The following PPHLN1 variants were observed in gnomAD, a reference collection of about 807,000 sequenced individuals.
The protein encoded by PPHLN1 is periphilin 1, also known as periphilin-1.
PPHLN1 carries 29 observed loss-of-function variants against 51.3 expected under a neutral mutation model. That is an observed-to-expected ratio of 0.57 (90% CI 0.42 to 0.77). PPHLN1 has a LOEUF of 0.77. Ranked by LOEUF, PPHLN1 falls within the 30% of genes least tolerant of loss-of-function variation. PPHLN1 has a pLI of 0.00. For missense variants in PPHLN1, 436 were observed against 438.4 expected (o/e 0.99, Z 0.05); for synonymous variants, 147 against 147.8 (o/e 0.99, Z 0.04).
chr12:42,430,511 G>GT (rs1047071174), intron 9 of PPHLN1, among the ~76,000 whole-genome samples: 5 of 151,626 alleles, frequency 3.3e-5, no homozygotes, highest in Non-Finnish European at 7.4e-5. Flanking sequence ...GTTTTGTTTT[G>GT]TTTTTTTGAG....
At chr12:42,432,731 A>G (rs975317591) in intron 9 of PPHLN1, among the ~76,000 whole-genome samples, 1 of 152,178 alleles carries the variant, frequency 6.6e-6, no homozygotes, top group Non-Finnish European at 1.5e-5. Flanking sequence ...ATGTGTTCCT[A>G]TTGCCACACC....
At chr12:42,435,584 C>T (rs1448380918) in intron 9 of PPHLN1, among the ~76,000 whole-genome samples, 2 of 152,152 alleles carry the variant, frequency 1.3e-5, no homozygotes, top group East Asian at 1.9e-4. Context: ...TGTGTTATCG[C>T]TTTTTTCCTG....
At chr12:42,426,414 C>G (rs1008711742) in intron 9 of PPHLN1, among the ~76,000 whole-genome samples, 1 of 152,126 alleles carries the variant, frequency 6.6e-6, no homozygotes, top group African/African-American at 2.4e-5. Flanking sequence ...GAGTTTGTAG[C>G]AGCAGTATGA....
chr12:42,355,363 T>C, intron 4 of PPHLN1, 141 bp downstream of exon 4: 1 of 680,948 alleles, frequency 1.5e-6, no homozygotes, highest in African/African-American at 1.8e-5. Flanking sequence ...ATTATATTCT[T>C]TTTGTGACTA....
chr12:42,349,376 G>A (rs572998678), intron 2 of PPHLN1, among the ~76,000 whole-genome samples: 2 of 145,560 alleles, frequency 1.4e-5, no homozygotes, highest in East Asian at 4.1e-4. Context: ...CTGAAGGTTG[G>A]GCTTTATATT....
chr12:42,327,164 T>C (rs2068924223), intron 1 of PPHLN1, among the ~76,000 whole-genome samples: 1 of 152,248 alleles, frequency 6.6e-6, no homozygotes, highest in African/African-American at 2.4e-5. Context: ...CTCATTTCCA[T>C]GCTGCTTTGT....
chr12:42,435,614 CATT>C (rs1372187123), intron 9 of PPHLN1, among the ~76,000 whole-genome samples: 2 of 152,190 alleles, frequency 1.3e-5, no homozygotes, highest in Non-Finnish European at 1.5e-5. Flanking sequence ...ACACATTAAA[CATT>C]ATGAATGGTT....
intron 9 of PPHLN1, among the ~76,000 whole-genome samples, chr12:42,411,961 C>A (rs928109836): frequency 6.9e-6 from 1 of 144,130 alleles, no homozygotes; most frequent in Non-Finnish European, 1.5e-5. Context: ...AATCCCAGCA[C>A]TTTGGGAGGC....
chr12:42,415,374 C>T (rs906046863), intron 9 of PPHLN1, among the ~76,000 whole-genome samples: 3 of 152,148 alleles, frequency 2.0e-5, no homozygotes, highest in East Asian at 1.9e-4. Context: ...GTTTCACCAT[C>T]TTGGCCAGGC....
At position 42,441,518 on chromosome 12, in the gene PPHLN1, G is replaced by T. The variant is rs756120332; in HGVS notation, c.*9G>T. The T allele has an allele frequency of 6.5e-6, 10 of 1,534,000 alleles. No homozygotes were observed. The highest frequency in any genetic ancestry group is 5.1e-5 in the South Asian group (4 of 79,074). On this transcript the variant is annotated 3_prime_UTR_variant, in exon 10 of 10. Coordinates refer to ENST00000358314, the MANE Select transcript of PPHLN1 (RefSeq NM_201439.2). ...TTGGAGAGCCTTTTTAGATTTTTCT[G>T]CTCAGGCTAAAAAAAAAAAAAAACA...
intron 9 of PPHLN1, among the ~76,000 whole-genome samples, chr12:42,418,120 T>C (rs2080609652): frequency 6.6e-6 from 1 of 150,754 alleles, no homozygotes; most frequent in Non-Finnish European, 1.5e-5. Flanking sequence ...TTTGTATTTT[T>C]AGTCGAGACA....
rs761304026 is a variant in PPHLN1 at position 42,441,478 on chromosome 12, C to G, written c.1073C>G (p.Thr358Ser). The change falls in exon 10 of 10, where the codon ACT becomes AGT. Residue 358 changes from threonine (T) to serine (S), a missense_variant. Thr to Ser is a moderately conservative substitution (Grantham distance 58). Transcript: ENST00000358314. The stretch of plus-strand genomic sequence containing the variant: ...AAGCATTTCATTGCAGAGTATGATA[C>G]TTCCACTCAAGATTTTGGAGAGCCT... The part of the protein sequence containing the change: ...ELKHFIAEYD[T>S]STQDFGEPF 1 of 1,605,016 alleles carries G rather than the reference C, an allele frequency of 6.2e-7. No homozygotes were observed. Among genetic ancestry groups the G allele is most frequent in the Non-Finnish European group, 8.5e-7 (1 of 1,176,866 alleles).
intron 6 of PPHLN1, among the ~76,000 whole-genome samples, chr12:42,385,377 A>G (rs1592615342): frequency 6.6e-6 from 1 of 152,188 alleles, no homozygotes; most frequent in Non-Finnish European, 1.5e-5. Flanking sequence ...ACAGGGACAT[A>G]TGAATATATG....
In PPHLN1 at chr12:42,382,006, T is replaced by C. The variant is rs142032425; in HGVS notation, c.512-2934T>C. 3.9e-5 allele frequency among the ~76,000 whole-genome samples: 6 copies of C among 152,342 alleles called. No homozygotes were observed. The East Asian group carries it at 1.2e-3, about 29-fold the overall frequency. On this transcript the variant is annotated intron_variant, in intron 5 of 9. Transcript: ENST00000358314. ...ATCTCTTATGATTATGCTGTTTTTT[T>C]TCCCTGCAGTGTCCTTTTTTTCCTA...
intron 7 of PPHLN1, among the ~76,000 whole-genome samples, chr12:42,392,122 TG>T (rs1429196926): frequency 2.6e-5 from 4 of 152,048 alleles, no homozygotes; most frequent in Non-Finnish European, 5.9e-5. Flanking sequence ...AGGCTGAGGT[TG>T]GGGAATCGCT....
At chr12:42,446,424 G>A (rs2083327205), downstream of PPHLN1, 1 of 1,364,074 alleles carries the variant, frequency 7.3e-7, no homozygotes, top group Admixed American at 2.6e-5. Flanking sequence ...TTTTAGCTAG[G>A]AGGGACTAAC....
At chr12:42,384,346 C>A (rs1198583201) in intron 5 of PPHLN1, among the ~76,000 whole-genome samples, 2 of 152,000 alleles carry the variant, frequency 1.3e-5, no homozygotes, top group African/African-American at 4.8e-5. Flanking sequence ...TACCTGGGAG[C>A]CCTGACTACT....
intron 4 of PPHLN1, among the ~76,000 whole-genome samples, chr12:42,358,881 G>C (rs895942883): frequency 6.6e-6 from 1 of 151,672 alleles, no homozygotes; most frequent in African/African-American, 2.4e-5. Context: ...AGAATTTCTG[G>C]GTCAGTGGGT....
At chr12:42,370,993 A>G (rs1024927526) in intron 4 of PPHLN1, among the ~76,000 whole-genome samples, 1 of 151,702 alleles carries the variant, frequency 6.6e-6, no homozygotes, top group Non-Finnish European at 1.5e-5. Flanking sequence ...TTTAATAGAG[A>G]TGGGGTTTCA....
Sources: gnomAD v4.1 joint callset for allele counts (sites outside exome capture counted in the v4.1 genomes callset) on GRCh38, gnomAD v4.1.1 for gene constraint, MANE v1.5 for transcripts, NCBI Gene and HGNC (gene_info 2026-07-23, HGNC 2026-07-21) for gene names.